GADL1: variants seen among roughly 807,000 people sequenced by gnomAD.
GADL1 encodes the protein GAD like acidic amino acid decarboxylase 1, also known as acidic amino acid decarboxylase GADL1.
A neutral mutation model predicts 69.5 loss-of-function variants in GADL1; 71 were observed. The ratio of observed to expected loss-of-function variants is 1.02; its 90% CI spans 0.84 to 1.25. The LOEUF (loss-of-function observed/expected upper bound fraction) is 1.25. GADL1 is among the 50% of genes most tolerant of loss of function. The pLI, the probability that GADL1 is intolerant of heterozygous loss-of-function variation, is 0.00. For synonymous variants in GADL1, 254 were observed against 214.4 expected, an observed-to-expected ratio of 1.18 and a Z score of -1.62; for missense variants, 737 against 631.8, an observed-to-expected ratio of 1.17 and a Z score of -1.79.
chr3:30,839,202 C>T, intron 8 of GADL1, 89 bp from the exon 9 acceptor site: 7 of 802,534 alleles, frequency 8.7e-6, no homozygotes, highest in Non-Finnish European at 1.1e-5. Context: ...GTTATGCATC[C>T]AGAGAGTTAT....
chr3:30,888,931 A>G (rs1698746625), intron 1 of GADL1, among the ~76,000 whole-genome samples: 1 of 152,026 alleles, frequency 6.6e-6, no homozygotes, highest in South Asian at 2.1e-4. Context: ...GTGCGGAACC[A>G]ACAGTAAAAT....
intron 12 of GADL1, among the ~76,000 whole-genome samples, chr3:30,787,417 T>C (rs1228513949): frequency 6.6e-6 from 1 of 152,204 alleles, no homozygotes; most frequent in Non-Finnish European, 1.5e-5. Flanking sequence ...CTTTTGTCTG[T>C]ACCAAAAGAG....
chr3:30,760,854 TAA>T (rs370180990), intron 14 of GADL1, among the ~76,000 whole-genome samples: 1 of 152,022 alleles, frequency 6.6e-6, no homozygotes, highest in African/African-American at 2.4e-5. Flanking sequence ...AATATACTGA[TAA>T]AGATGTCAAG....
chr3:30,838,601 C>A (rs956608630), intron 9 of GADL1, among the ~76,000 whole-genome samples: 5 of 152,106 alleles, frequency 3.3e-5, no homozygotes, highest in South Asian at 2.1e-4. Context: ...TACCATCCCC[C>A]CTCTTTACAA....
chr3:30,783,135 G>GT (rs1333821076), intron 13 of GADL1, among the ~76,000 whole-genome samples: 1 of 152,192 alleles, frequency 6.6e-6, no homozygotes, highest in East Asian at 1.9e-4. Flanking sequence ...TGTGCAGGAA[G>GT]TTGACTATAT....
intron 9 of GADL1, among the ~76,000 whole-genome samples, chr3:30,838,284 A>G (rs1380798390): frequency 6.6e-6 from 1 of 152,114 alleles, no homozygotes; most frequent in Non-Finnish European, 1.5e-5. Flanking sequence ...AAGCTCCACA[A>G]GTGTTCATAG....
chr3:30,876,217 G>A (rs1184003644), intron 1 of GADL1, among the ~76,000 whole-genome samples: 2 of 152,188 alleles, frequency 1.3e-5, no homozygotes, highest in South Asian at 2.1e-4. Flanking sequence ...TCTGAGAGAA[G>A]TTAAGTAACT....
rs539257979 is a variant in GADL1, at chr3:30,892,305, C to T, written c.37+2273G>A. Reference sequence around the variant, plus strand: ...AGATATTCAACAAGAGAATTTAAGACAAGATATCATTTAACATACGAATTC... The same window carrying T: ...AGATATTCAACAAGAGAATTTAAGATAAGATATCATTTAACATACGAATTC... On this transcript the variant is annotated intron_variant, in intron 1 of 14. Coordinates refer to ENST00000282538, the MANE Select transcript of GADL1 (RefSeq NM_207359.3). 2.4e-4 allele frequency among the ~76,000 whole-genome samples: 37 copies of T among 152,322 alleles called. No individual in the cohort carries two copies. In the South Asian group the frequency reaches 6.0e-3, roughly 25 times the overall value.
chr3:30,780,523 TAC>T (rs1255474848), intron 13 of GADL1, among the ~76,000 whole-genome samples: 3 of 152,336 alleles, frequency 2.0e-5, no homozygotes, highest in South Asian at 4.1e-4. Flanking sequence ...TTATTGATAT[TAC>T]ACTTTCCCAC....
chr3:30,866,720 C>A (rs1183751714), intron 1 of GADL1, among the ~76,000 whole-genome samples: 1 of 152,044 alleles, frequency 6.6e-6, no homozygotes, highest in Non-Finnish European at 1.5e-5. Context: ...TCAGCCCACA[C>A]TGGGTAGGCA....
intron 11 of GADL1, 59 bp from the exon 12 acceptor site, chr3:30,801,147 A>T: frequency 1.5e-6 from 2 of 1,318,730 alleles, no homozygotes; most frequent in Non-Finnish European, 2.2e-6. Context: ...TGATTTTGAA[A>T]GCAAACACAT....
At chr3:30,774,069 G>A (rs1277839931) in intron 14 of GADL1, among the ~76,000 whole-genome samples, 1 of 152,084 alleles carries the variant, frequency 6.6e-6, no homozygotes, top group Non-Finnish European at 1.5e-5. Flanking sequence ...GGTAAGATAT[G>A]GTAAGATTTT....
chr3:30,869,634 AT>A (rs140324096), intron 1 of GADL1, among the ~76,000 whole-genome samples: 18 of 150,632 alleles, frequency 1.2e-4, no homozygotes, highest in South Asian at 6.3e-4. Context: ...ATTTTATTTT[AT>A]TTTTTTTTGA....
At chr3:30,798,750 A>G (rs1422258198) in intron 12 of GADL1, 3 of 118,414 alleles carry the variant, frequency 2.5e-5, no homozygotes, top group African/African-American at 1.0e-4. Context: ...TCTTCTGCCT[A>G]CGAACCTGTA....
chr3:30,828,299 T>C (rs980762025), intron 11 of GADL1, among the ~76,000 whole-genome samples: 2 of 151,868 alleles, frequency 1.3e-5, no homozygotes, highest in Admixed American at 1.3e-4. Context: ...AGTAACCTGC[T>C]TCTCAGGTAT....
rs776896065 is a variant in GADL1 at position 30,850,950 on chromosome 3, A to T, written c.429-9T>A. On this transcript the variant is annotated splice_polypyrimidine_tract_variant and intron_variant, in intron 4 of 14. Coordinates refer to ENST00000282538, the MANE Select transcript of GADL1 (RefSeq NM_207359.3). The stretch of plus-strand genomic sequence containing the variant: ...ACACCTCATACGTATAACTAGATAG[A>T]TATAAAAAACACTTCACTTCTATGA... 20 of 1,456,860 alleles carry T rather than the reference A, an allele frequency of 1.4e-5. No homozygotes were observed. In the South Asian group the frequency reaches 2.3e-4, roughly 17 times the overall value. The allele number at this position is 1,456,860 out of a possible 1,614,324, so 90.2% of individuals were successfully genotyped here.
chr3:30,809,989 T>C (rs895974790), intron 11 of GADL1, among the ~76,000 whole-genome samples: 1 of 152,212 alleles, frequency 6.6e-6, no homozygotes, highest in Non-Finnish European at 1.5e-5. Flanking sequence ...TTATAAGCTA[T>C]GTAATGAAGT....
chr3:30,762,990 G>A (rs1410988840), intron 14 of GADL1, among the ~76,000 whole-genome samples: 2 of 152,140 alleles, frequency 1.3e-5, no homozygotes, highest in African/African-American at 2.4e-5. Context: ...CACTTAGGTT[G>A]CTCCCAAATC....
chr3:30,770,268 A>G (rs973060421), intron 14 of GADL1, among the ~76,000 whole-genome samples: 1 of 152,232 alleles, frequency 6.6e-6, no homozygotes, highest in African/African-American at 2.4e-5. Context: ...CACAGTGGTA[A>G]GTGGCCTATA....
Sources: gnomAD v4.1 joint callset for allele counts (sites outside exome capture counted in the v4.1 genomes callset) on GRCh38, gnomAD v4.1.1 for gene constraint, MANE v1.5 for transcripts, NCBI Gene and HGNC (gene_info 2026-07-23, HGNC 2026-07-21) for gene names.